Variants in RANBP2 observed in about 807,000 individuals in gnomAD.
RANBP2 encodes RAN binding protein 2, also known as E3 SUMO-protein ligase RanBP2.
In RANBP2, 57 loss-of-function variants were observed where a neutral mutation model predicts 303.6. The ratio of observed to expected loss-of-function variants is 0.19; its 90% CI spans 0.15 to 0.23. RANBP2 has a LOEUF of 0.23. RANBP2 is among the 10% of genes least tolerant of loss of function. RANBP2 has a pLI of 1.00. For missense variants in RANBP2, 3,138 were observed against 3,780.8 expected (o/e 0.83, Z 4.46); for synonymous variants, 1,167 against 1,301.5 (o/e 0.90, Z 2.23).
At chr2:109,626,429 A>T in the RANBP2 span, among the ~76,000 whole-genome samples, 1 of 152,026 alleles carries the variant, frequency 6.6e-6, no homozygotes, top group Non-Finnish European at 1.5e-5. Context: ...AGATTCCGCC[A>T]CTGCACTCCA....
chr2:109,401,903 G>A, the RANBP2 span, among the ~76,000 whole-genome samples: 1 of 152,248 alleles, frequency 6.6e-6, no homozygotes, highest in South Asian at 2.1e-4. Flanking sequence ...ATTAGAATTA[G>A]GGATTGACGG....
At chr2:109,129,930 C>T in the RANBP2 span, 1 of 1,484,716 alleles carries the variant, frequency 6.7e-7, no homozygotes, top group Non-Finnish European at 8.9e-7. Context: ...CGGGCACCAG[C>T]CCCGGCGGCA....
chr2:109,083,539 C>T, the RANBP2 span, among the ~76,000 whole-genome samples: 1 of 152,100 alleles, frequency 6.6e-6, no homozygotes, highest in East Asian at 1.9e-4. Context: ...TTCATTCATC[C>T]TCTGATGGAC....
chr2:109,076,837 G>C, the RANBP2 span, among the ~76,000 whole-genome samples: 1 of 150,378 alleles, frequency 6.6e-6, no homozygotes, highest in African/African-American at 2.4e-5. Context: ...CCTACATGTT[G>C]AATGCAATCC....
chr2:109,119,473 G>A, the RANBP2 span, among the ~76,000 whole-genome samples: 2 of 152,192 alleles, frequency 1.3e-5, no homozygotes, highest in Non-Finnish European at 2.9e-5. Flanking sequence ...CAAGAATTCA[G>A]ATATTAAATA....
At chr2:109,368,468 C>T in the RANBP2 span, among the ~76,000 whole-genome samples, 1 of 151,842 alleles carries the variant, frequency 6.6e-6, no homozygotes, top group Non-Finnish European at 1.5e-5. Flanking sequence ...ATTTTAGTAA[C>T]ATTTTCTAAC....
the RANBP2 span, chr2:108,812,997 C>G: frequency 7.7e-7 from 1 of 1,305,894 alleles, no homozygotes; most frequent in African/African-American, 1.5e-5. Flanking sequence ...CACCTGTAAT[C>G]CCAGCACTTT....
chr2:109,625,087 C>CAAAAAAAAAAAA, the RANBP2 span, among the ~76,000 whole-genome samples: 46 of 59,990 alleles, frequency 7.7e-4, no homozygotes, highest in East Asian at 2.1e-3. Flanking sequence ...ACAACAACAA[C>CAAAAAAAAAAAA]AAAAAAAAAA....
At chr2:109,556,678 C>T in the RANBP2 span, among the ~76,000 whole-genome samples, 1 of 151,986 alleles carries the variant, frequency 6.6e-6, no homozygotes, top group Non-Finnish European at 1.5e-5. Flanking sequence ...AAAGAAGCCC[C>T]TATATTTATC....
chr2:108,875,681 C>T, the RANBP2 span, among the ~76,000 whole-genome samples: 2 of 152,012 alleles, frequency 1.3e-5, no homozygotes, highest in Admixed American at 1.3e-4. Context: ...AACATAGTGA[C>T]ACCCTGTCTC....
the RANBP2 span, chr2:109,567,996 A>G: frequency 6.5e-7 from 1 of 1,545,820 alleles, no homozygotes; most frequent in Admixed American, 2.1e-5. Context: ...ATAAAGAAAA[A>G]CAAAATCTTA....
chr2:109,524,787 TC>T, the RANBP2 span, among the ~76,000 whole-genome samples: 1 of 151,784 alleles, frequency 6.6e-6, no homozygotes, highest in African/African-American at 2.4e-5. Context: ...AATTAAAAAA[TC>T]TAAAAAGGCC....
At chr2:109,505,019 C>T in the RANBP2 span, among the ~76,000 whole-genome samples, 1 of 152,164 alleles carries the variant, frequency 6.6e-6, no homozygotes, top group African/African-American at 2.4e-5. Context: ...TTATTCAAGT[C>T]CTTCGTAACC....
the RANBP2 span, among the ~76,000 whole-genome samples, chr2:109,145,719 C>G: frequency 2.6e-5 from 4 of 152,320 alleles, no homozygotes; most frequent in East Asian, 7.7e-4. Flanking sequence ...CAGGTCAGGA[C>G]CACACCATCC....
At chr2:109,518,246 C>G in the RANBP2 span, among the ~76,000 whole-genome samples, 1 of 152,230 alleles carries the variant, frequency 6.6e-6, no homozygotes, top group South Asian at 2.1e-4. Context: ...TCCTACACAT[C>G]TCTTGTTTCT....
At chr2:109,642,532 G>T in the RANBP2 span, among the ~76,000 whole-genome samples, 3 of 150,334 alleles carry the variant, frequency 2.0e-5, no homozygotes, top group Admixed American at 1.3e-4. Flanking sequence ...GGCGGATCAT[G>T]AGGTCAGGAG....
At chr2:109,533,670 G>C in the RANBP2 span, among the ~76,000 whole-genome samples, 4 of 152,170 alleles carry the variant, frequency 2.6e-5, no homozygotes, top group African/African-American at 9.7e-5. Context: ...AATACAAACA[G>C]CTAAGGATGA....
the RANBP2 span, among the ~76,000 whole-genome samples, chr2:109,297,494 A>G: frequency 1.3e-5 from 2 of 151,768 alleles, no homozygotes; most frequent in African/African-American, 4.8e-5. Flanking sequence ...GCTCCCCACC[A>G]GACCAGTGCC....
the RANBP2 span, among the ~76,000 whole-genome samples, chr2:109,117,614 C>T: frequency 5.9e-5 from 9 of 152,344 alleles, no homozygotes; most frequent in South Asian, 4.1e-4. Flanking sequence ...CGCCCTGCTT[C>T]AGCTCGCGCA....
Sources: allele counts gnomAD v4.1 joint callset (sites outside exome capture counted in the v4.1 genomes callset), GRCh38; gene constraint gnomAD v4.1.1; transcripts MANE v1.5; gene names NCBI Gene and HGNC (gene_info 2026-07-23, HGNC 2026-07-21).